The following EBF1 variants were observed in gnomAD, a reference collection of about 807,000 sequenced individuals.
The protein encoded by EBF1 is transcription factor COE1.
Under a neutral mutation model 68.4 loss-of-function variants are expected in EBF1, and 10 were observed. The observed-to-expected ratio is 0.15, with a 90% CI of 0.09 to 0.25. The LOEUF (loss-of-function observed/expected upper bound fraction) is 0.25, where lower values mean the gene tolerates loss of function less well. EBF1 is among the 10% of genes least tolerant of loss of function. EBF1 has a pLI of 1.00. For synonymous variants in EBF1, 298 were observed against 299.8 expected (o/e 0.99, Z 0.06); for missense variants, 509 against 794.4 (o/e 0.64, Z 4.32).
At chr5:159,013,371 T>G (rs1002749324) in intron 6 of EBF1, among the ~76,000 whole-genome samples, 40 of 152,254 alleles carry the variant, frequency 2.6e-4, no homozygotes, top group African/African-American at 8.9e-4. Context: ...ACTCTAGGCA[T>G]GTCTCTGAAG....
chr5:158,984,205 T>C (rs1282301050), intron 6 of EBF1, among the ~76,000 whole-genome samples: 3 of 152,166 alleles, frequency 2.0e-5, no homozygotes, highest in Non-Finnish European at 4.4e-5. Flanking sequence ...AACAACGATA[T>C]ATCAATGGTG....
At chr5:158,861,260 G>A (rs78106408) in intron 6 of EBF1, among the ~76,000 whole-genome samples, 3,805 of 139,946 alleles carry the variant, frequency 0.027, 138 homozygotes, top group African/African-American at 0.092. Flanking sequence ...TATCAAATGC[G>A]GATTTGTGAA....
intron 10 of EBF1, among the ~76,000 whole-genome samples, chr5:158,759,167 C>T (rs1770828651): frequency 6.6e-6 from 1 of 152,158 alleles, no homozygotes; most frequent in African/African-American, 2.4e-5. Context: ...TTCAATCTTA[C>T]TATGTGGATA....
chr5:158,975,610 C>T (rs1202889330), intron 6 of EBF1, among the ~76,000 whole-genome samples: 1 of 152,126 alleles, frequency 6.6e-6, no homozygotes, highest in Non-Finnish European at 1.5e-5. Flanking sequence ...TTTCAGGCAT[C>T]TGTAATATTA....
intron 6 of EBF1, among the ~76,000 whole-genome samples, chr5:158,928,578 T>G (rs1810187671): frequency 6.6e-6 from 1 of 152,232 alleles, no homozygotes; most frequent in Admixed American, 6.5e-5. Flanking sequence ...GAGAAGGCCA[T>G]TAATTCAGCT....
At chr5:158,717,809 C>T (rs1253241788) in intron 11 of EBF1, among the ~76,000 whole-genome samples, 5 of 152,046 alleles carry the variant, frequency 3.3e-5, no homozygotes, top group African/African-American at 1.2e-4. Flanking sequence ...TACAAAAAAG[C>T]TTTACTCCTT....
In EBF1 at chr5:158,938,051, A is replaced by AT. The variant is rs1453937229; in HGVS notation, c.555-97942dup. On this transcript the variant is annotated intron_variant, in intron 6 of 15. Coordinates refer to ENST00000313708, the MANE Select transcript of EBF1 (RefSeq NM_024007.5). The stretch of plus-strand genomic sequence containing the variant: ...AAATGTACCTTTCTTTGAAGGAGGA[A>AT]TTTTCACTCCGGCTCAAGTGCCTTG... Among the ~76,000 whole-genome samples the AT allele has an allele frequency of 6.6e-5, 10 of 152,172 alleles. No homozygotes were observed. In the East Asian group the frequency reaches 1.2e-3, roughly 18 times the overall value.
At chr5:158,885,675 A>G (rs1435014680) in intron 6 of EBF1, among the ~76,000 whole-genome samples, 1 of 152,158 alleles carries the variant, frequency 6.6e-6, no homozygotes, top group African/African-American at 2.4e-5. Flanking sequence ...ACTCTGCAGG[A>G]AAGATACTGG....
At chr5:159,061,907 G>C (rs1775924024) in intron 6 of EBF1, among the ~76,000 whole-genome samples, 1 of 152,102 alleles carries the variant, frequency 6.6e-6, no homozygotes, top group African/African-American at 2.4e-5. Flanking sequence ...ATCTTGAGGA[G>C]AGCTTATTCT....
intron 10 of EBF1, among the ~76,000 whole-genome samples, chr5:158,752,464 A>G (rs1304203148): frequency 1.3e-5 from 2 of 152,110 alleles, no homozygotes; most frequent in African/African-American, 2.4e-5. Flanking sequence ...AAACAGAAAT[A>G]GACGGTTCAT....
chr5:158,900,870 A>T (rs1277088543), intron 6 of EBF1, among the ~76,000 whole-genome samples: 2 of 152,342 alleles, frequency 1.3e-5, no homozygotes, highest in South Asian at 4.2e-4. Context: ...TAGACTTGAA[A>T]CGTGGTCTCT....
At chr5:159,075,150 T>C (rs1024872512) in intron 5 of EBF1, among the ~76,000 whole-genome samples, 2 of 152,192 alleles carry the variant, frequency 1.3e-5, no homozygotes, top group Non-Finnish European at 2.9e-5. Flanking sequence ...TTTCCTCATC[T>C]GTAAAATGGA....
chr5:158,919,441 G>A (rs1361751841), intron 6 of EBF1, among the ~76,000 whole-genome samples: 1 of 152,030 alleles, frequency 6.6e-6, no homozygotes, highest in Non-Finnish European at 1.5e-5. Context: ...TATAACATGG[G>A]ATGTCACCAA....
intron 11 of EBF1, among the ~76,000 whole-genome samples, chr5:158,728,771 C>T (rs567358953): frequency 6.6e-6 from 1 of 152,232 alleles, no homozygotes. Flanking sequence ...TGTGATGGTA[C>T]CCAGGCTAGT....
intron 10 of EBF1, among the ~76,000 whole-genome samples, chr5:158,764,197 G>T (rs565552619): frequency 6.6e-6 from 1 of 152,274 alleles, no homozygotes; most frequent in East Asian, 1.9e-4. Context: ...TGATTCTAGA[G>T]CTCTATAGTC....
intron 7 of EBF1, among the ~76,000 whole-genome samples, chr5:158,836,031 T>C (rs1460701049): frequency 2.0e-5 from 3 of 152,254 alleles, no homozygotes; most frequent in African/African-American, 7.2e-5. Flanking sequence ...ATGCTGAATA[T>C]AGACACAGTT....
At chr5:158,823,832 T>C (rs978433813) in intron 7 of EBF1, among the ~76,000 whole-genome samples, 4 of 152,138 alleles carry the variant, frequency 2.6e-5, no homozygotes, top group African/African-American at 7.2e-5. Flanking sequence ...CGTTTTTCTT[T>C]CCACATTAGT....
At chr5:158,809,376 G>A (rs962909874) in intron 8 of EBF1, among the ~76,000 whole-genome samples, 1 of 152,016 alleles carries the variant, frequency 6.6e-6, no homozygotes, top group African/African-American at 2.4e-5. Context: ...CCCAAACTAC[G>A]CTTCAACTTT....
intron 6 of EBF1, among the ~76,000 whole-genome samples, chr5:158,854,683 C>T (rs756339931): frequency 5.3e-5 from 8 of 152,214 alleles, no homozygotes; most frequent in Admixed American, 2.6e-4. Flanking sequence ...TTCCTCCTTG[C>T]TTCTAAAGAG....
Sources: gnomAD v4.1 joint callset for allele counts (sites outside exome capture counted in the v4.1 genomes callset) on GRCh38, gnomAD v4.1.1 for gene constraint, MANE v1.5 for transcripts, NCBI Gene and HGNC (gene_info 2026-07-23, HGNC 2026-07-21) for gene names.